GRK1: variants seen among roughly 807,000 people sequenced by gnomAD.
GRK1 encodes rhodopsin kinase GRK1.
A neutral mutation model predicts 41.7 loss-of-function variants in GRK1; 28 were observed. That is an observed-to-expected ratio of 0.67 (90% CI 0.50 to 0.92). The LOEUF is 0.92. GRK1 is among the 40% of genes least tolerant of loss of function. The pLI is 0.00. For missense variants in GRK1, 703 were observed against 671.2 expected (o/e 1.05, Z -0.52); for synonymous variants, 327 against 286.7 (o/e 1.14, Z -1.42).
At chr13:113,664,631 C>G (rs2049806779), upstream of GRK1, among the ~76,000 whole-genome samples, 1 of 152,208 alleles carries the variant, frequency 6.6e-6, no homozygotes, top group African/African-American at 2.4e-5. The surrounding 1 kb of genome is among the most constrained non-coding windows in gnomAD (Gnocchi z 5.4). Flanking sequence ...GGCCCCCAGT[C>G]CAACAGGAAG....
chr13:113,663,972 C>T (rs1463202360), upstream of GRK1, among the ~76,000 whole-genome samples: 1 of 152,228 alleles, frequency 6.6e-6, no homozygotes, highest in Admixed American at 6.5e-5. Flanking sequence ...CAAAGGCCTA[C>T]ACAGATGTTT....
At chr13:113,733,893 GTGTGTA>G (rs1262223273) in intron 6 of GRK1, among the ~76,000 whole-genome samples, 37 of 65,950 alleles carry the variant, frequency 5.6e-4, no homozygotes, top group African/African-American at 2.1e-3. Flanking sequence ...GTGTGTGCGT[GTGTGTA>G]TGTGTGCATA....
At chr13:113,727,892 G>A (rs1283349952) in intron 4 of GRK1, among the ~76,000 whole-genome samples, 2 of 88,964 alleles carry the variant, frequency 2.2e-5, no homozygotes, top group South Asian at 4.4e-4. Context: ...GCGATGAGGA[G>A]TACCCATGGC....
At chr13:113,649,301 C>G in the GRK1 span, 2 of 1,507,212 alleles carry the variant, frequency 1.3e-6, no homozygotes, top group South Asian at 1.3e-5. The surrounding 1 kb of genome is among the most constrained non-coding windows in gnomAD (Gnocchi z 4.7). Flanking sequence ...AACTGACGGG[C>G]AAGGTAAGCC....
chr13:113,733,905 GC>G (rs1566700298), intron 6 of GRK1, among the ~76,000 whole-genome samples: 1 of 91,468 alleles, frequency 1.1e-5, no homozygotes, highest in African/African-American at 5.5e-5. Flanking sequence ...GTGTATGTGT[GC>G]ATACAGTGTG....
rs1288742601 is a variant in GRK1 at position 113,733,675 on chromosome 13, GTGTGCATGTA to G, written c.1396+595_1396+604del. 5.3e-4 allele frequency among the ~76,000 whole-genome samples: 76 copies of G among 144,648 alleles called. 3 individuals carry two copies. The highest frequency in any genetic ancestry group is 1.9e-3 in the African/African-American group (74 of 38,474). 94.9% of individuals were successfully genotyped at this position (144,648 alleles called of 152,430 possible). A position where few individuals can be genotyped will look rare whatever the true frequency, so the allele number is the denominator to read the frequency against. ...TACGTGTGTGTGCGTGTGTGCACGT[GTGTGCATGTA>G]TGTGTGCATACATGTGTGCGTGTGT... On this transcript the variant is annotated intron_variant, in intron 6 of 6. Transcript: ENST00000335678.
rs746695253 is a variant in GRK1 at position 113,735,293 on chromosome 13, C to T, written c.1622C>T (p.Pro541Leu). The change falls in exon 7 of 7, where the codon CCG becomes CTG. Residue 541 changes from proline (P) to leucine (L), a missense_variant. Physicochemically the swap from Pro to Leu is moderately conservative, Grantham distance 98. Coordinates refer to ENST00000335678, the MANE Select transcript of GRK1 (RefSeq NM_002929.3). ...LNVWRSDGQM[P>L]DDMKGISGGS... The stretch of plus-strand genomic sequence containing the variant: ...GTGTGGCGCTCGGACGGTCAGATGC[C>T]GGACGACATGAAGGGCATCTCCGGG... The T allele has an allele frequency of 2.3e-4, 360 of 1,535,174 alleles. 1 individual carries two copies. The highest frequency in any genetic ancestry group is 2.9e-4 in the Non-Finnish European group (333 of 1,145,538).
intron 4 of GRK1, among the ~76,000 whole-genome samples, chr13:113,727,439 C>T (rs148158183): frequency 0.045 from 6,815 of 151,718 alleles, 523 homozygotes; most frequent in African/African-American, 0.15. Context: ...GCCTGTGGAC[C>T]GTGGGCTGTG....
At position 113,671,264 on chromosome 13, in the gene GRK1, C is replaced by T. The variant is rs941307775; in HGVS notation, c.828-235C>T. Among the ~76,000 whole-genome samples the T allele has an allele frequency of 5.3e-5, 8 of 152,184 alleles. No individual in the cohort carries two copies. The highest frequency in any genetic ancestry group is 3.9e-4 in the East Asian group (2 of 5,180). On this transcript the variant is annotated intron_variant, in intron 2 of 6. Coordinates refer to ENST00000335678, the MANE Select transcript of GRK1 (RefSeq NM_002929.3). This position sits in a 1 kb window ranked among gnomAD's most constrained non-coding sequence, Gnocchi z 4.1. ...CGCTGGAAAGCAGGCGGACAGGAGA[C>T]GCACGTGGACAGCACTTTCTCCCTG...
Position 113,667,533 on chromosome 13 carries a change from C to T in GRK1, c.147C>T (p.Ser49=). The T allele has an allele frequency of 4.3e-6, 7 of 1,613,474 alleles. No individual in the cohort carries two copies. The highest frequency in any genetic ancestry group is 5.9e-6 in the Non-Finnish European group (7 of 1,179,874). ...LKLPPLSKCE[S]LRDSLSLEFE... Reference sequence around the variant, plus strand: ...TGCCCCCGCTGTCCAAGTGTGAGTCCCTCCGCGACAGCCTCAGCCTGGAGT... The same window carrying T: ...TGCCCCCGCTGTCCAAGTGTGAGTCTCTCCGCGACAGCCTCAGCCTGGAGT... Residue 49 remains serine, a synonymous_variant, in exon 1 of 7, where the codon TCC becomes TCT. Coordinates refer to ENST00000335678, the MANE Select transcript of GRK1 (RefSeq NM_002929.3). This position sits in a 1 kb window ranked among gnomAD's most constrained non-coding sequence, Gnocchi z 7.5.
Position 113,732,329 on chromosome 13 carries a change from C to T in GRK1, c.1195-555C>T, listed in dbSNP as rs377532411. Among the ~76,000 whole-genome samples, 49 of 152,318 alleles carry T rather than the reference C, an allele frequency of 3.2e-4. 2 individuals are homozygous for T. The South Asian group carries it at 9.7e-3, about 30-fold the overall frequency. ...GTTTCAGAGCAGAGTCGTCCCAGGA[C>T]CACTAGCACGCCCGTGGTCACTCTG... On this transcript the variant is annotated intron_variant, in intron 5 of 6. Transcript: ENST00000335678.
intron 4 of GRK1, among the ~76,000 whole-genome samples, chr13:113,723,871 T>TGTGTGCATGCCC (rs1472464889): frequency 1.8e-4 from 28 of 151,562 alleles, no homozygotes; most frequent in African/African-American, 6.8e-4. Context: ...TGCATGCCCG[T>TGTGTGCATGCCC]GTCTGTGCAC....
Position 113,731,125 on chromosome 13 carries a change from GA to G in GRK1, c.1070-93del. The G allele has an allele frequency of 6.8e-7, 1 of 1,472,242 alleles. No homozygotes were observed. Among genetic ancestry groups the G allele is most frequent in the East Asian group, 2.5e-5 (1 of 40,118 alleles). 91.2% of individuals were successfully genotyped at this position (1,472,242 alleles called of 1,614,324 possible). A position where few individuals can be genotyped will look rare whatever the true frequency, so the allele number is the denominator to read the frequency against. On this transcript the variant is annotated intron_variant, in intron 4 of 6. Transcript: ENST00000335678. This position sits in a 1 kb window ranked among gnomAD's most constrained non-coding sequence, Gnocchi z 5.6. The stretch of plus-strand genomic sequence containing the variant: ...TGGAGAGTGCTGAGGCCCCGGGGGG[GA>G]TGCATCCCCAGAGCATCAGTCCTGC...
chr13:113,729,877 G>T (rs566539648), intron 4 of GRK1, among the ~76,000 whole-genome samples: 1 of 142,136 alleles, frequency 7.0e-6, no homozygotes, highest in African/African-American at 2.7e-5. Context: ...GCCCAGACCC[G>T]TCCCTCCATC....
the GRK1 span, chr13:113,651,737 A>T: frequency 4.3e-6 from 7 of 1,613,262 alleles, no homozygotes; most frequent in Non-Finnish European, 5.9e-6. Context: ...TCTAGAAGGG[A>T]AAAGCTTGAG....
rs767666496 is a variant in GRK1, at chr13:113,735,286, C to T, written c.1615C>T (p.Gln539Ter). Residue 539 changes from glutamine to a stop codon, truncating the protein, a stop_gained, in exon 7 of 7, where the codon CAG (glutamine) becomes TAG (stop). Coordinates refer to ENST00000335678, the MANE Select transcript of GRK1 (RefSeq NM_002929.3). LOFTEE classifies it high-confidence loss of function. Reference sequence around the variant, plus strand: ...GCTGAACGTGTGGCGCTCGGACGGTCAGATGCCGGACGACATGAAGGGCAT... The same window carrying T: ...GCTGAACGTGTGGCGCTCGGACGGTTAGATGCCGGACGACATGAAGGGCAT... ...GELNVWRSDGQMPDDMKGISG... is the reference protein window; with the variant it reads ...GELNVWRSDG 1.3e-6 allele frequency: 2 copies of T among 1,536,024 alleles called. No homozygotes were observed. The highest frequency in any genetic ancestry group is 1.7e-6 in the Non-Finnish European group (2 of 1,146,078).
chr13:113,728,435 TGAG>T (rs1295161016), intron 4 of GRK1, among the ~76,000 whole-genome samples: 1 of 142,536 alleles, frequency 7.0e-6, no homozygotes, highest in African/African-American at 2.7e-5. Context: ...CCCATGGCGA[TGAG>T]GAGTACCCAT....
At chr13:113,732,156 C>G (rs2049941801) in intron 5 of GRK1, among the ~76,000 whole-genome samples, 1 of 152,206 alleles carries the variant, frequency 6.6e-6, no homozygotes. Context: ...CGCACGGAGC[C>G]AGAAGGCCAC....
chr13:113,650,356 G>T, the GRK1 span: 1 of 1,541,646 alleles, frequency 6.5e-7, no homozygotes, highest in Non-Finnish European at 9.0e-7. This position sits in a 1 kb window ranked among gnomAD's most constrained non-coding sequence, Gnocchi z 5.0. Flanking sequence ...CGCTAAGTGT[G>T]AGAGGACTCA....
Sources: allele counts gnomAD v4.1 joint callset (sites outside exome capture counted in the v4.1 genomes callset), GRCh38; gene constraint gnomAD v4.1.1; non-coding constraint Gnocchi (gnomAD v3.1); transcripts MANE v1.5; gene names NCBI Gene and HGNC (gene_info 2026-07-23, HGNC 2026-07-21).